Variants in EXD1 observed in about 807,000 individuals in gnomAD.
The protein encoded by EXD1 is exonuclease 3'-5' domain containing 1.
A neutral mutation model predicts 49.1 loss-of-function variants in EXD1; 63 were observed. That is an observed-to-expected ratio of 1.28 (90% confidence interval 1.05 to 1.58). The LOEUF (loss-of-function observed/expected upper bound fraction) is 1.58, where lower values mean the gene tolerates loss of function less well. Ranked by LOEUF, EXD1 falls within the 40% of genes most tolerant of loss-of-function variation. EXD1 has a pLI of 0.00. For synonymous variants in EXD1, 234 were observed against 239.2 expected, an observed-to-expected ratio of 0.98 and a Z score of 0.20; for missense variants, 748 against 666.0, an observed-to-expected ratio of 1.12 and a Z score of -1.36.
At chr15:41,224,218 G>A (rs375675327) in intron 2 of EXD1, among the ~76,000 whole-genome samples, 2 of 152,132 alleles carry the variant, frequency 1.3e-5, no homozygotes, top group South Asian at 2.1e-4. Flanking sequence ...GATTACAGGC[G>A]TGAGCCACTG....
At chr15:41,193,122 T>C (rs973475694) in intron 9 of EXD1, among the ~76,000 whole-genome samples, 2 of 152,000 alleles carry the variant, frequency 1.3e-5, no homozygotes, top group Non-Finnish European at 2.9e-5. Context: ...CTCACTACGT[T>C]GTTCGGGCTG....
intron 2 of EXD1, among the ~76,000 whole-genome samples, chr15:41,221,443 CT>C (rs58804980): frequency 0.17 from 24,685 of 148,420 alleles, 3,740 homozygotes; most frequent in African/African-American, 0.41. Context: ...GGCTATTTTT[CT>C]TTTTTTTTTG....
intron 11 of EXD1, among the ~76,000 whole-genome samples, chr15:41,188,670 G>A (rs567252190): frequency 2.6e-5 from 4 of 152,024 alleles, no homozygotes; most frequent in African/African-American, 9.6e-5. Flanking sequence ...GGGATTACAG[G>A]TATGAGCCAC....
chr15:41,188,792 TTTTC>T (rs1346775651), intron 11 of EXD1, among the ~76,000 whole-genome samples: 5 of 146,246 alleles, frequency 3.4e-5, no homozygotes, highest in Non-Finnish European at 7.4e-5. Context: ...CTTTTTTTTC[TTTTC>T]TTTCTTCTTT....
At chr15:41,227,868 G>A (rs1467815999) in intron 1 of EXD1, among the ~76,000 whole-genome samples, 1 of 151,980 alleles carries the variant, frequency 6.6e-6, no homozygotes, top group African/African-American at 2.4e-5. Context: ...TGACCAACAT[G>A]GTGAAACCCC....
chr15:41,213,803 A>C (rs1338084907), intron 6 of EXD1, among the ~76,000 whole-genome samples: 1 of 152,162 alleles, frequency 6.6e-6, no homozygotes, highest in Non-Finnish European at 1.5e-5. Context: ...ATATTCTAAA[A>C]TTTATTATGT....
At chr15:41,221,372 A>G (rs934824464) in intron 2 of EXD1, among the ~76,000 whole-genome samples, 8 of 152,234 alleles carry the variant, frequency 5.3e-5, no homozygotes, top group African/African-American at 1.7e-4. Context: ...CCTGGGTTTA[A>G]GCAATCCTCC....
chr15:41,202,752 C>G (rs2046752215), intron 7 of EXD1, among the ~76,000 whole-genome samples: 1 of 152,150 alleles, frequency 6.6e-6, no homozygotes, highest in Non-Finnish European at 1.5e-5. Flanking sequence ...CAGACATTAG[C>G]CACCACACCA....
At chr15:41,230,378 A>C in intron 1 of EXD1, 101 bp downstream of exon 1, 2 of 1,299,188 alleles carry the variant, frequency 1.5e-6, no homozygotes, top group Non-Finnish European at 1.1e-6. Context: ...CCACCGTGCC[A>C]GGCCTACCTT....
At position 41,184,246 on chromosome 15, in the gene EXD1, T is replaced by C; in HGVS notation, c.1404A>G (p.Lys468=). Residue 468 remains lysine, a synonymous_variant, in exon 12 of 12, where the codon AAA becomes AAG. Coordinates refer to ENST00000458580, the MANE Select transcript of EXD1 (RefSeq NM_001286441.2). ...ACCCCTTTGACTTTGTGCAAATGAG[T>C]TTGTTACTGGAATCCTCACTGGTTT... ...EGETSEDSSN[K]LICTKSKGSE... 1 of 1,614,182 alleles carries C rather than the reference T, an allele frequency of 6.2e-7. No individual in the cohort carries two copies. The highest frequency in any genetic ancestry group is 8.5e-7 in the Non-Finnish European group (1 of 1,180,026).
chr15:41,214,431 T>A (rs1035484064), intron 6 of EXD1, among the ~76,000 whole-genome samples: 4 of 151,092 alleles, frequency 2.6e-5, no homozygotes, highest in Non-Finnish European at 5.9e-5. Context: ...GAGAATCGCT[T>A]GAACCCAGGA....
At chr15:41,205,198 A>C (rs955471722) in intron 7 of EXD1, among the ~76,000 whole-genome samples, 3 of 152,122 alleles carry the variant, frequency 2.0e-5, no homozygotes, top group Admixed American at 1.3e-4. Flanking sequence ...ACAGAAGGCA[A>C]AGGGAAAATT....
chr15:41,202,542 T>G (rs1424065948), intron 7 of EXD1, among the ~76,000 whole-genome samples: 2 of 151,882 alleles, frequency 1.3e-5, no homozygotes, highest in Non-Finnish European at 1.5e-5. Flanking sequence ...CAGCCATAGC[T>G]TATTGCAGGC....
intron 1 of EXD1, among the ~76,000 whole-genome samples, chr15:41,226,845 CTT>C: frequency 6.6e-6 from 1 of 152,184 alleles, no homozygotes; most frequent in East Asian, 1.9e-4. Context: ...GGCTTGGCTT[CTT>C]TGTTTATAAA....
chr15:41,213,457 G>T (rs8034649), intron 6 of EXD1, among the ~76,000 whole-genome samples: 1 of 151,656 alleles, frequency 6.6e-6, no homozygotes, highest in African/African-American at 2.4e-5. Flanking sequence ...TCTCGGCCTC[G>T]CAAAGTGCTG....
At chr15:41,187,521 T>G (rs1285796336) in intron 11 of EXD1, among the ~76,000 whole-genome samples, 1 of 152,220 alleles carries the variant, frequency 6.6e-6, no homozygotes, top group African/African-American at 2.4e-5. Context: ...TATGTTTTAT[T>G]ATGTTAGAAA....
At position 41,219,852 on chromosome 15, in the gene EXD1, AAAC is replaced by A. The variant is rs2047059868; in HGVS notation, c.177_179del (p.Leu59del). The stretch of plus-strand genomic sequence containing the variant: ...CACCATTCACAATCTCATGCCCAAA[AAAC>A]AACTTCACTCCTGGGACACTTCGAC... On this transcript the variant is annotated inframe_deletion, in exon 3 of 12. Coordinates refer to ENST00000458580, the MANE Select transcript of EXD1 (RefSeq NM_001286441.2). 6.5e-7 allele frequency: 1 copy of A among 1,535,812 alleles called. No individual in the cohort carries two copies. Among genetic ancestry groups the A allele is most frequent in the African/African-American group, 1.4e-5 (1 of 73,028 alleles).
At chr15:41,188,782 CT>C (rs903022062) in intron 11 of EXD1, among the ~76,000 whole-genome samples, 15 of 147,088 alleles carry the variant, frequency 1.0e-4, no homozygotes, top group African/African-American at 3.8e-4. Flanking sequence ...TAAGCTTTTC[CT>C]TTTTTTTCTT....
At chr15:41,189,227 G>A (rs1473532839) in intron 11 of EXD1, among the ~76,000 whole-genome samples, 3 of 151,590 alleles carry the variant, frequency 2.0e-5, no homozygotes, top group Non-Finnish European at 4.4e-5. Context: ...AATTAACAGG[G>A]CATGGTGGCA....
Sources: gnomAD v4.1 joint callset for allele counts (sites outside exome capture counted in the v4.1 genomes callset) on GRCh38, gnomAD v4.1.1 for gene constraint, MANE v1.5 for transcripts, NCBI Gene and HGNC (gene_info 2026-07-23, HGNC 2026-07-21) for gene names.